Variants in OSBPL10 observed in about 807,000 individuals in gnomAD.
The protein encoded by OSBPL10 is oxysterol binding protein like 10, also known as oxysterol-binding protein-related protein 10.
OSBPL10 carries 49 observed loss-of-function variants against 81.7 expected under a neutral mutation model. The ratio of observed to expected loss-of-function variants is 0.60; its 90% CI spans 0.48 to 0.76. The LOEUF (loss-of-function observed/expected upper bound fraction) is 0.76, where lower values mean the gene tolerates loss of function less well. OSBPL10 is among the 30% of genes least tolerant of loss of function. OSBPL10 has a pLI of 0.00. For synonymous variants in OSBPL10, 419 were observed against 383.6 expected, an observed-to-expected ratio of 1.09 and a Z score of -1.08; for missense variants, 923 against 987.8, an observed-to-expected ratio of 0.93 and a Z score of 0.88.
chr3:31,896,969 AC>A (rs1696077673), intron 1 of OSBPL10, among the ~76,000 whole-genome samples: 1 of 152,064 alleles, frequency 6.6e-6, no homozygotes, highest in Non-Finnish European at 1.5e-5. Flanking sequence ...ACTGTCATTC[AC>A]CCCCTGGTAG....
At chr3:31,884,958 G>A (rs1695689420) in intron 1 of OSBPL10, among the ~76,000 whole-genome samples, 1 of 152,072 alleles carries the variant, frequency 6.6e-6, no homozygotes, top group Admixed American at 6.6e-5. Context: ...GGGAAAATGA[G>A]GGAAGAAAGC....
chr3:31,786,273 G>A (rs1698856893), intron 4 of OSBPL10, among the ~76,000 whole-genome samples: 1 of 152,282 alleles, frequency 6.6e-6, no homozygotes, highest in East Asian at 1.9e-4. Context: ...TTTTGGCCAT[G>A]AAGCTTTCAT....
At position 32,063,754 on chromosome 3, in the gene OSBPL10, G is replaced by A. The variant is rs1281526622; in HGVS notation, n.185+13642C>T. ...TCTGATGGTTTAAAAGTGTTTGGCA[G>A]TTCCCCACTTTCTCGCTGTCTCTCC... On this transcript the variant is annotated intron_variant and non_coding_transcript_variant, in intron 1 of 3. Transcript: ENST00000479173. 2.2e-5 allele frequency among the ~76,000 whole-genome samples: 2 copies of A among 92,052 alleles called. 1 individual carries two copies. The allele number at this position is 92,052 out of a possible 152,430, so 60.4% of individuals were successfully genotyped here.
chr3:31,753,366 G>A (rs565210933), intron 4 of OSBPL10, among the ~76,000 whole-genome samples: 12 of 152,082 alleles, frequency 7.9e-5, no homozygotes, highest in African/African-American at 2.9e-4. Flanking sequence ...TGTATGTTTA[G>A]TAGAGACAGG....
chr3:31,992,696 AAAAC>A (rs1175259947), intron 2 of OSBPL10, among the ~76,000 whole-genome samples: 3 of 152,218 alleles, frequency 2.0e-5, no homozygotes, highest in Non-Finnish European at 4.4e-5. Context: ...CTATATGCAA[AAAAC>A]AAACAAACCT....
chr3:32,045,614 T>C (rs138119160), intron 2 of OSBPL10, among the ~76,000 whole-genome samples: 5 of 152,072 alleles, frequency 3.3e-5, no homozygotes, highest in Non-Finnish European at 5.9e-5. Flanking sequence ...ACAGACATTT[T>C]TAAAGGAGGC....
At chr3:31,770,027 A>T (rs1303382505) in intron 4 of OSBPL10, among the ~76,000 whole-genome samples, 3 of 152,198 alleles carry the variant, frequency 2.0e-5, no homozygotes, top group Non-Finnish European at 4.4e-5. Flanking sequence ...TTTCCTCCTA[A>T]GGAAAGAGTC....
chr3:32,016,313 G>A (rs1017413052), intron 2 of OSBPL10, among the ~76,000 whole-genome samples: 1 of 152,106 alleles, frequency 6.6e-6, no homozygotes, highest in Non-Finnish European at 1.5e-5. Context: ...GGATGAAGCT[G>A]GAAACCATCA....
In OSBPL10 at chr3:31,885,830, A is replaced by C. The variant is rs1247114234; in HGVS notation, c.282-6000T>G. Among the ~76,000 whole-genome samples, 205 of 134,428 alleles carry C rather than the reference A, an allele frequency of 1.5e-3. 1 individual carries two copies. Among genetic ancestry groups the C allele is most frequent in the African/African-American group, 6.0e-3 (194 of 32,432 alleles). The allele number at this position is 134,428 out of a possible 152,430, so 88.2% of individuals were successfully genotyped here. A position where few individuals can be genotyped will look rare whatever the true frequency, so the allele number is the denominator to read the frequency against. On this transcript the variant is annotated intron_variant, in intron 1 of 11. Transcript: ENST00000396556. ...AAACCCCATCTCTACTAAAAATACA[A>C]AAAAAAAAAAAAAAATTAGCCTGGC...
At chr3:32,053,518 G>T (rs1158272512) in intron 1 of OSBPL10, among the ~76,000 whole-genome samples, 5 of 152,152 alleles carry the variant, frequency 3.3e-5, no homozygotes, top group African/African-American at 4.8e-5. Context: ...AATTGTAAAG[G>T]GTTATCAAAG....
chr3:31,697,342 C>T (rs1311185020), intron 7 of OSBPL10, among the ~76,000 whole-genome samples: 3 of 152,050 alleles, frequency 2.0e-5, no homozygotes, highest in African/African-American at 7.3e-5. Flanking sequence ...AGCAGAAGAG[C>T]TGCCCCGCTA....
At chr3:31,746,261 A>T (rs1444873807) in intron 5 of OSBPL10, among the ~76,000 whole-genome samples, 1 of 152,146 alleles carries the variant, frequency 6.6e-6, no homozygotes, top group African/African-American at 2.4e-5. Context: ...AGGCATGAGG[A>T]TGTTTACTGC....
At chr3:31,995,591 G>T (rs146447107) in intron 2 of OSBPL10, among the ~76,000 whole-genome samples, 1 of 152,230 alleles carries the variant, frequency 6.6e-6, no homozygotes, top group East Asian at 1.9e-4. Context: ...CAATCAATTT[G>T]TACAGTTAAC....
At chr3:31,850,191 G>A (rs920138037) in intron 3 of OSBPL10, among the ~76,000 whole-genome samples, 2 of 151,838 alleles carry the variant, frequency 1.3e-5, no homozygotes, top group African/African-American at 4.8e-5. Context: ...AAAACTAGCT[G>A]GATATGGTCA....
chr3:31,898,739 C>T (rs558681629), intron 1 of OSBPL10, among the ~76,000 whole-genome samples: 1 of 151,812 alleles, frequency 6.6e-6, no homozygotes, highest in Non-Finnish European at 1.5e-5. Flanking sequence ...AATAATCCCA[C>T]AAAGAAGTCT....
upstream of OSBPL10, among the ~76,000 whole-genome samples, chr3:31,984,726 G>C (rs1365565628): frequency 6.6e-6 from 1 of 152,164 alleles, no homozygotes; most frequent in East Asian, 1.9e-4. Context: ...GTTTTACAAA[G>C]GTAGTTTGGT....
intron 2 of OSBPL10, among the ~76,000 whole-genome samples, chr3:31,987,421 T>G (rs1698949137): frequency 6.6e-6 from 1 of 152,234 alleles, no homozygotes; most frequent in African/African-American, 2.4e-5. Context: ...AATAACCTTT[T>G]ACATTAGTTT....
At chr3:31,738,108 G>A (rs756761586) in intron 5 of OSBPL10, among the ~76,000 whole-genome samples, 2 of 152,020 alleles carry the variant, frequency 1.3e-5, no homozygotes, top group Non-Finnish European at 2.9e-5. Flanking sequence ...AGACAAAAAT[G>A]TAAATATAAA....
intron 1 of OSBPL10, among the ~76,000 whole-genome samples, chr3:31,936,089 G>A (rs1697374611): frequency 6.6e-6 from 1 of 152,018 alleles, no homozygotes; most frequent in Non-Finnish European, 1.5e-5. Flanking sequence ...ACTCCCCTCT[G>A]TTCTAACATT....
Sources: allele counts gnomAD v4.1 joint callset (sites outside exome capture counted in the v4.1 genomes callset), GRCh38; gene constraint gnomAD v4.1.1; transcripts MANE v1.5; gene names NCBI Gene and HGNC (gene_info 2026-07-23, HGNC 2026-07-21).